Variants in WDR59 observed in about 807,000 individuals in gnomAD.
WDR59 encodes GATOR2 complex protein WDR59.
A neutral mutation model predicts 131.2 loss-of-function variants in WDR59; 100 were observed. The ratio of observed to expected loss-of-function variants is 0.76; its 90% CI spans 0.65 to 0.90. WDR59 has a LOEUF of 0.90. Ranked by LOEUF, WDR59 falls within the 40% of genes least tolerant of loss-of-function variation. The probability of loss-of-function intolerance (pLI) is 0.00; values close to 1 mark genes in which losing one functional copy is unlikely to be tolerated. For missense variants in WDR59, 1,203 were observed against 1,262.2 expected, an observed-to-expected ratio of 0.95 and a Z score of 0.71; for synonymous variants, 601 against 466.2, an observed-to-expected ratio of 1.29 and a Z score of -3.72.
At chr16:74,886,562 G>C in intron 23 of WDR59, 166 bp from the exon 24 acceptor site, 1 of 864,904 alleles carries the variant, frequency 1.2e-6, no homozygotes, top group Non-Finnish European at 1.6e-6. Flanking sequence ...TCCTACCCTT[G>C]CCTTTTTGCG....
chr16:74,878,758 T>C (rs1964337412), intron 25 of WDR59, among the ~76,000 whole-genome samples: 1 of 152,216 alleles, frequency 6.6e-6, no homozygotes, highest in Non-Finnish European at 1.5e-5. Flanking sequence ...GCCTGGAGAT[T>C]TGTCAACGTC....
At chr16:74,923,789 C>T (rs1377372613) in intron 9 of WDR59, 137 bp downstream of exon 9, 14 of 779,972 alleles carry the variant, frequency 1.8e-5, no homozygotes, top group South Asian at 7.1e-5. Flanking sequence ...ATCATTATCA[C>T]GTTTGTCCCA....
intron 19 of WDR59, 58 bp from the exon 20 acceptor site, chr16:74,892,623 G>T (rs560978088): frequency 7.4e-6 from 10 of 1,344,964 alleles, no homozygotes; most frequent in South Asian, 1.2e-5. Context: ...CCAAATCAAC[G>T]ACTCCCAGTT....
intron 20 of WDR59, among the ~76,000 whole-genome samples, chr16:74,891,112 C>CAAAAAAAAAAAAAAAAAAAAAA (rs1220561474): frequency 1.5e-5 from 1 of 65,450 alleles, no homozygotes; most frequent in Non-Finnish European, 3.1e-5. Flanking sequence ...GACTCTGTCT[C>CAAAAAAAAAAAAAAAAAAAAAA]AAAAAAAAAA....
At chr16:74,879,793 T>C (rs888839443) in intron 25 of WDR59, among the ~76,000 whole-genome samples, 5 of 152,128 alleles carry the variant, frequency 3.3e-5, no homozygotes, top group Non-Finnish European at 7.4e-5. Flanking sequence ...ATAGGAAATA[T>C]CATATGTTGA....
intron 20 of WDR59, among the ~76,000 whole-genome samples, chr16:74,890,085 G>C (rs1415496042): frequency 6.6e-6 from 1 of 152,174 alleles, no homozygotes; most frequent in Non-Finnish European, 1.5e-5. Context: ...GCAAACATCA[G>C]AGAAATGACA....
chr16:74,970,469 T>C (rs1011161274), intron 1 of WDR59, among the ~76,000 whole-genome samples: 9 of 127,274 alleles, frequency 7.1e-5, no homozygotes, highest in African/African-American at 2.3e-4. Flanking sequence ...CACTCCAGCC[T>C]GGGTGACAGA....
chr16:74,906,297 G>C (rs1242511303), intron 17 of WDR59, among the ~76,000 whole-genome samples: 1 of 31,542 alleles, frequency 3.2e-5, no homozygotes, highest in Non-Finnish European at 5.0e-5. Context: ...CTGAGCGACA[G>C]AGCAAGACTC....
chr16:74,927,912 T>TG lies in WDR59; in HGVS notation c.652-3910_652-3909insC, dbSNP rs202041839. The stretch of plus-strand genomic sequence containing the variant: ...CCTTTTCTTTATTCTTTCTTTCTTT[T>TG]TTTTTTTTTTTTTTGAGACGGAGTC... On this transcript the variant is annotated intron_variant, in intron 8 of 25. Transcript: ENST00000262144. 9.8e-3 allele frequency among the ~76,000 whole-genome samples: 1,435 copies of TG among 146,032 alleles called. 20 individuals carry two copies. Among genetic ancestry groups the TG allele is most frequent in the African/African-American group, 0.034 (1,333 of 39,316 alleles).
Position 74,984,961 on chromosome 16 carries a change from C to G in WDR59, c.54+3G>C. 6.2e-7 allele frequency: 1 copy of G among 1,604,000 alleles called. No homozygotes were observed. The highest frequency in any genetic ancestry group is 8.5e-7 in the Non-Finnish European group (1 of 1,175,558). On this transcript the variant is annotated splice_donor_region_variant and intron_variant, in intron 1 of 25. Coordinates refer to ENST00000262144, the MANE Select transcript of WDR59 (RefSeq NM_030581.4). Reference sequence around the variant, plus strand: ...AGAGGGCTCCACTCGGCCTCTAGCTCACCTGGGAGTCACGGAACTCTACAA... The same window carrying G: ...AGAGGGCTCCACTCGGCCTCTAGCTGACCTGGGAGTCACGGAACTCTACAA...
intron 18 of WDR59, among the ~76,000 whole-genome samples, chr16:74,899,138 T>G (rs530535323): frequency 9.2e-5 from 14 of 152,160 alleles, no homozygotes; most frequent in African/African-American, 3.4e-4. Flanking sequence ...GAAAAGAGGA[T>G]GTCCACAGCG....
At chr16:74,883,317 C>A (rs1227223755) in intron 25 of WDR59, among the ~76,000 whole-genome samples, 1 of 152,060 alleles carries the variant, frequency 6.6e-6, no homozygotes, top group Non-Finnish European at 1.5e-5. Flanking sequence ...GTCACCGTAC[C>A]CGGCCACACC....
chr16:74,902,133 A>G (rs2059266), intron 18 of WDR59, among the ~76,000 whole-genome samples: 68,320 of 152,012 alleles, frequency 0.45, 17,253 homozygotes, highest in African/African-American at 0.7. Context: ...AACTATACAC[A>G]ACTTTGATTT....
At chr16:74,883,093 C>T (rs1469269909) in intron 25 of WDR59, among the ~76,000 whole-genome samples, 15 of 140,670 alleles carry the variant, frequency 1.1e-4, no homozygotes, top group African/African-American at 3.2e-4. Flanking sequence ...GGCACAATCT[C>T]GGCTCACCGC....
At chr16:74,896,663 G>T (rs1005006917) in intron 18 of WDR59, among the ~76,000 whole-genome samples, 1 of 151,380 alleles carries the variant, frequency 6.6e-6, no homozygotes, top group African/African-American at 2.4e-5. Flanking sequence ...ACAATTTCCT[G>T]ACCTTTAAAA....
At chr16:74,901,378 G>C (rs1965542680) in intron 18 of WDR59, among the ~76,000 whole-genome samples, 1 of 151,434 alleles carries the variant, frequency 6.6e-6, no homozygotes, top group Non-Finnish European at 1.5e-5. Flanking sequence ...ATCTACCATG[G>C]AATAAAAATA....
intron 2 of WDR59, among the ~76,000 whole-genome samples, chr16:74,958,592 C>CAAAAAAAAAAATAAAAAAAAAAA (rs2033408755): frequency 7.6e-5 from 1 of 13,234 alleles, no homozygotes; most frequent in African/African-American, 2.1e-4. Context: ...GACTCCATCT[C>CAAAAAAAAAAATAAAAAAAAAAA]AAAAAAAAAA....
At chr16:74,929,518 G>C (rs944659017) in intron 8 of WDR59, among the ~76,000 whole-genome samples, 2 of 152,174 alleles carry the variant, frequency 1.3e-5, no homozygotes, top group Non-Finnish European at 2.9e-5. Context: ...TTATCCAAAA[G>C]ACAGGCAATA....
rs376490880 is a variant in WDR59, at chr16:74,961,247, GC to G, written c.104+4525del. ...CACTTGAGCCCTGGAAGTCGAGACT[GC>G]AGTGAGCCGTGATCTGCATTCCAGC... is the stretch of plus-strand genomic sequence containing the variant. On this transcript the variant is annotated intron_variant, in intron 2 of 25. Transcript: ENST00000262144. 9.9e-5 allele frequency among the ~76,000 whole-genome samples: 15 copies of G among 152,100 alleles called. No individual in the cohort carries two copies. The South Asian group carries it at 3.1e-3, about 32-fold the overall frequency.
Sources: gnomAD v4.1 joint callset for allele counts (sites outside exome capture counted in the v4.1 genomes callset) on GRCh38, gnomAD v4.1.1 for gene constraint, MANE v1.5 for transcripts, NCBI Gene and HGNC (gene_info 2026-07-23, HGNC 2026-07-21) for gene names.